Variants in SATB2 observed in about 807,000 individuals in gnomAD.
The protein encoded by SATB2 is DNA-binding protein SATB2.
A neutral mutation model predicts 73.4 loss-of-function variants in SATB2; 1 was observed. The observed-to-expected ratio is 0.01, with a 90% confidence interval of 0.00 to 0.06. The LOEUF (loss-of-function observed/expected upper bound fraction) is 0.06, where lower values mean the gene tolerates loss of function less well. SATB2 is among the 10% of genes least tolerant of loss of function. The pLI is 1.00. For missense variants in SATB2, 459 were observed against 945.8 expected, an observed-to-expected ratio of 0.49 and a Z score of 6.75; for synonymous variants, 397 against 367.0, an observed-to-expected ratio of 1.08 and a Z score of -0.93.
intron 2 of SATB2, among the ~76,000 whole-genome samples, chr2:199,439,867 G>A (rs1691759621): frequency 6.6e-6 from 1 of 152,100 alleles, no homozygotes; most frequent in Admixed American, 6.5e-5. Flanking sequence ...AATTTGGGAG[G>A]CCAAGGCAGG....
chr2:199,388,666 C>G (rs1448094721), intron 3 of SATB2, among the ~76,000 whole-genome samples: 2 of 151,846 alleles, frequency 1.3e-5, no homozygotes, highest in African/African-American at 4.8e-5. Flanking sequence ...AATGAAAACT[C>G]AACCTGAGAA....
intron 3 of SATB2, among the ~76,000 whole-genome samples, chr2:199,421,974 C>T (rs1365828134): frequency 2.6e-5 from 4 of 152,192 alleles, no homozygotes; most frequent in Non-Finnish European, 5.9e-5. Flanking sequence ...TATATAGTAT[C>T]TGCACTTAAC....
At chr2:199,439,042 TG>T (rs1209346139) in intron 2 of SATB2, among the ~76,000 whole-genome samples, 4 of 152,264 alleles carry the variant, frequency 2.6e-5, no homozygotes, top group African/African-American at 9.6e-5. Flanking sequence ...CCACTTGCTA[TG>T]TCCAATGGGT....
intron 7 of SATB2, among the ~76,000 whole-genome samples, chr2:199,344,032 GGTCT>G (rs1688580762): frequency 6.6e-6 from 1 of 152,080 alleles, no homozygotes; most frequent in Non-Finnish European, 1.5e-5. Flanking sequence ...TCGCCAATAT[GGTCT>G]GTCTTTGTTT....
chr2:199,422,384 A>G (rs1306820694), intron 3 of SATB2, among the ~76,000 whole-genome samples: 2 of 151,980 alleles, frequency 1.3e-5, no homozygotes, highest in Non-Finnish European at 2.9e-5. Flanking sequence ...TAAGGAGCTT[A>G]TATATACAAA....
chr2:199,294,620 A>G (rs1692969703), intron 10 of SATB2, among the ~76,000 whole-genome samples: 2 of 152,316 alleles, frequency 1.3e-5, no homozygotes, highest in South Asian at 4.1e-4. Flanking sequence ...ACATGGAAAT[A>G]TTTGACATTG....
intron 3 of SATB2, among the ~76,000 whole-genome samples, chr2:199,408,858 C>A (rs899777717): frequency 5.9e-5 from 9 of 152,152 alleles, no homozygotes; most frequent in Non-Finnish European, 1.3e-4. Context: ...AGCTCCTCAT[C>A]TCTGGAAGTA....
upstream of SATB2, among the ~76,000 whole-genome samples, chr2:199,462,041 G>A (rs116231838): frequency 0.011 from 1,681 of 152,326 alleles, 23 homozygotes; most frequent in African/African-American, 0.026. This position sits in a 1 kb window ranked among gnomAD's most constrained non-coding sequence, Gnocchi z 5.9. Context: ...CCCGGGCTCT[G>A]AGGGCCCGGC....
intron 9 of SATB2, among the ~76,000 whole-genome samples, chr2:199,309,808 ACAT>A (rs1182270765): frequency 1.3e-5 from 2 of 152,234 alleles, no homozygotes; most frequent in Non-Finnish European, 2.9e-5. Context: ...GAACTGTCCC[ACAT>A]CATGTCTCTT....
chr2:199,418,267 G>A (rs16831464), intron 3 of SATB2, among the ~76,000 whole-genome samples: 3,116 of 152,202 alleles, frequency 0.02, 106 homozygotes, highest in African/African-American at 0.07. Flanking sequence ...TGAAAGGCCC[G>A]GCAGTCAGAG....
chr2:199,376,688 G>A (rs1027901180), intron 5 of SATB2, among the ~76,000 whole-genome samples: 5 of 152,146 alleles, frequency 3.3e-5, no homozygotes, highest in Non-Finnish European at 7.3e-5. Context: ...TGTTATTGTG[G>A]ACAGTCCATC....
intron 6 of SATB2, among the ~76,000 whole-genome samples, chr2:199,350,542 T>A (rs1688785449): frequency 6.6e-6 from 1 of 152,236 alleles, no homozygotes; most frequent in African/African-American, 2.4e-5. Flanking sequence ...TCATGTAATA[T>A]GTGACTTTAA....
At chr2:199,381,856 T>A in intron 3 of SATB2, 36 bp from the exon 4 acceptor site, 1 of 1,609,812 alleles carries the variant, frequency 6.2e-7, no homozygotes, top group East Asian at 2.2e-5. Context: ...AACACATATC[T>A]GCTATTTATT....
intron 6 of SATB2, among the ~76,000 whole-genome samples, chr2:199,360,769 T>C (rs1689114303): frequency 6.6e-6 from 1 of 152,160 alleles, no homozygotes; most frequent in Non-Finnish European, 1.5e-5. Flanking sequence ...GTTTAGACTC[T>C]TTCCTCTCAT....
intron 3 of SATB2, among the ~76,000 whole-genome samples, chr2:199,404,902 A>G (rs559685972): frequency 1.7e-4 from 26 of 152,320 alleles, no homozygotes; most frequent in South Asian, 4.1e-4. Context: ...AAATCTCCAT[A>G]TCTTAATATC....
chr2:199,466,175 G>C (rs1692589631), upstream of SATB2, among the ~76,000 whole-genome samples: 2 of 152,176 alleles, frequency 1.3e-5, no homozygotes. Flanking sequence ...TCCAAGTGAA[G>C]GACGTCTCGC....
chr2:199,341,380 T>C (rs1406457588), intron 7 of SATB2, among the ~76,000 whole-genome samples: 5 of 152,044 alleles, frequency 3.3e-5, no homozygotes, highest in South Asian at 2.1e-4. Context: ...ACAGGAGGAG[T>C]AGGGCCGAGA....
At chr2:199,420,771 T>C (rs933330198) in intron 3 of SATB2, among the ~76,000 whole-genome samples, 2 of 152,116 alleles carry the variant, frequency 1.3e-5, no homozygotes, top group East Asian at 1.9e-4. Flanking sequence ...GGGGGTCACA[T>C]GTAAAAAAGG....
At chr2:199,275,219 C>G (rs1435336296) in intron 10 of SATB2, among the ~76,000 whole-genome samples, 1 of 152,178 alleles carries the variant, frequency 6.6e-6, no homozygotes, top group East Asian at 1.9e-4. Flanking sequence ...TTTTCCAAAA[C>G]TATACTTTGA....
Sources: gnomAD v4.1 joint callset for allele counts (sites outside exome capture counted in the v4.1 genomes callset) on GRCh38, gnomAD v4.1.1 for gene constraint, Gnocchi (gnomAD v3.1) non-coding constraint, MANE v1.5 for transcripts, NCBI Gene and HGNC (gene_info 2026-07-23, HGNC 2026-07-21) for gene names.